Variants in TK1 observed in about 807,000 individuals in gnomAD.
TK1 encodes thymidine kinase 1.
In TK1, 13 loss-of-function variants were observed where a neutral mutation model predicts 22.4. The observed-to-expected ratio is 0.58, with a 90% CI of 0.38 to 0.92. The LOEUF (loss-of-function observed/expected upper bound fraction) is 0.92. Among genes scored for constraint, TK1 ranks in the 40% least tolerant of loss-of-function variants. The pLI is 0.00. For synonymous variants in TK1, 134 were observed against 125.4 expected (o/e 1.07, Z -0.46); for missense variants, 251 against 315.7 (o/e 0.80, Z 1.55).
At chr17:78,176,664 G>A (rs2075702220) in intron 4 of TK1, among the ~76,000 whole-genome samples, 3 of 152,108 alleles carry the variant, frequency 2.0e-5, no homozygotes, top group South Asian at 4.1e-4. Context: ...GACATGTCAC[G>A]AAAATGCAGC....
At chr17:78,177,527 C>G (rs190181629) in intron 4 of TK1, among the ~76,000 whole-genome samples, 50 of 152,288 alleles carry the variant, frequency 3.3e-4, no homozygotes, top group Admixed American at 2.9e-3. Context: ...TTAAGGAATA[C>G]TCAACCTGTA....
At position 78,185,147 on chromosome 17, in the gene TK1, G is replaced by A. The variant is rs148905023; in HGVS notation, c.117C>T (p.Arg39=). The change falls in exon 3 of 7, where the codon CGC becomes CGT. Residue 39 remains arginine, a synonymous_variant. Transcript: ENST00000301634. Reference sequence around the variant, plus strand: ...ACTGAGCAATCTGGAAGCGACGGACGCGTCTCATCAACTCTGTGCTGCAAG... The same window carrying A: ...ACTGAGCAATCTGGAAGCGACGGACACGTCTCATCAACTCTGTGCTGCAAG... ...FSGKSTELMR[R]VRRFQIAQYK... 5.0e-6 allele frequency: 8 copies of A among 1,612,338 alleles called. No homozygotes were observed. Among genetic ancestry groups the A allele is most frequent in the South Asian group, 2.2e-5 (2 of 90,966 alleles).
At chr17:78,179,977 G>A (rs888431130) in intron 4 of TK1, among the ~76,000 whole-genome samples, 3 of 152,170 alleles carry the variant, frequency 2.0e-5, no homozygotes, top group East Asian at 1.9e-4. Context: ...AGGCTGAGGC[G>A]GGAGAATCAC....
rs1370484769 is a variant in TK1 at position 78,186,968 on chromosome 17, C to T, written c.27G>A (p.Val9=). The change falls in exon 1 of 7, where the codon GTG becomes GTA. Residue 9 remains valine, a synonymous_variant. Transcript: ENST00000301634. MSCINLPT[V]LPGSPSKTRG... The stretch of plus-strand genomic sequence containing the variant: ...GGGTCTTGCTGGGGGAGCCAGGCAG[C>T]ACAGTGGGCAGGTTAATGCAGCTCA... 6.3e-7 allele frequency: 1 copy of T among 1,578,514 alleles called. No homozygotes were observed.
At chr17:78,184,534 C>T (rs73377443) in intron 3 of TK1, among the ~76,000 whole-genome samples, 7 of 151,332 alleles carry the variant, frequency 4.6e-5, no homozygotes, top group Non-Finnish European at 8.8e-5. Context: ...AACAGGGAAG[C>T]GTGAAGGCTG....
rs974534596 is a variant in TK1 at position 78,174,504 on chromosome 17, G to T, written c.*255C>A. The T allele has an allele frequency of 3.8e-6, 2 of 520,100 alleles. No homozygotes were observed. Among genetic ancestry groups the T allele is most frequent in the Non-Finnish European group, 6.8e-6 (2 of 293,566 alleles). The allele number at this position is 520,100 out of a possible 1,614,324, so 32.2% of individuals were successfully genotyped here. ...GGAGAGGGAGTGTGCCAGATCCCAG[G>T]CCACCAAGCGGGGCCAGCTCCAGCC... On this transcript the variant is annotated 3_prime_UTR_variant, in exon 7 of 7. Coordinates refer to ENST00000301634, the MANE Select transcript of TK1 (RefSeq NM_003258.5).
chr17:78,178,113 C>T (rs981066755), intron 4 of TK1, among the ~76,000 whole-genome samples: 1 of 152,104 alleles, frequency 6.6e-6, no homozygotes, highest in Non-Finnish European at 1.5e-5. Flanking sequence ...TCAAGTGATC[C>T]GCCCGCCTAG....
chr17:78,186,733 A>AG, intron 2 of TK1, 54 bp downstream of exon 2: 1 of 1,503,552 alleles, frequency 6.7e-7, no homozygotes. Context: ...GGACGGGACA[A>AG]GGGGTCCCCG....
intron 3 of TK1, among the ~76,000 whole-genome samples, chr17:78,184,405 A>G (rs1309587383): frequency 6.6e-6 from 1 of 152,248 alleles, no homozygotes; most frequent in Non-Finnish European, 1.5e-5. Flanking sequence ...CAGAGGACCA[A>G]GCAAAGCGTC....
At chr17:78,182,941 C>T (rs1567833943) in intron 3 of TK1, among the ~76,000 whole-genome samples, 1 of 152,188 alleles carries the variant, frequency 6.6e-6, no homozygotes, top group Non-Finnish European at 1.5e-5. Context: ...TCCCTGCAAT[C>T]TCTACCTCCC....
chr17:78,185,023 A>C, intron 3 of TK1, 32 bp downstream of exon 3: 1 of 1,562,248 alleles, frequency 6.4e-7, no homozygotes, highest in Non-Finnish European at 8.8e-7. Context: ...GTGATTTTCC[A>C]CTGGACAGGA....
At chr17:78,179,370 G>A (rs1395618926) in intron 4 of TK1, 26 of 985,302 alleles carry the variant, frequency 2.6e-5, no homozygotes, top group South Asian at 1.4e-4. Flanking sequence ...CAGCAACAAC[G>A]ACGTCTCCAC....
rs201904264 is a variant in TK1, at chr17:78,186,758, G to A, written c.98+29C>T. ...AGGGGTCCCCGGAGAAGAGGAAGGA[G>A]CTCCACCCCAGCCCCGCGAAGCCAT... On this transcript the variant is annotated intron_variant, in intron 2 of 6. Coordinates refer to ENST00000301634, the MANE Select transcript of TK1 (RefSeq NM_003258.5). The A allele has an allele frequency of 2.0e-4, 307 of 1,571,562 alleles. 1 individual carries two copies. The East Asian group carries it at 6.6e-3, about 34-fold the overall frequency.
At position 78,175,595 on chromosome 17, in the gene TK1, G is replaced by T; in HGVS notation, c.327C>A (p.Cys109Ter). ...TCTTCCCGGCGTTGGCCATGGCCTC[G>T]CAGAACTCCACGATGTCAGGGAACT... Reference protein sequence around the residue: ...GQFFPDIVEFCEAMANAGKTV... With the variant: ...GQFFPDIVEF The change falls in exon 5 of 7, where the codon TGC becomes TGA. Residue 109 changes from cysteine to a stop codon, truncating the protein, a stop_gained. Coordinates refer to ENST00000301634, the MANE Select transcript of TK1 (RefSeq NM_003258.5). LOFTEE classifies it high-confidence loss of function. The T allele has an allele frequency of 6.2e-7, 1 of 1,613,624 alleles. No homozygotes were observed. Among genetic ancestry groups the T allele is most frequent in the Non-Finnish European group, 8.5e-7 (1 of 1,179,840 alleles).
In TK1 at chr17:78,174,827, C is replaced by T. The variant is rs763713061; in HGVS notation, c.637G>A (p.Gly213Arg). 8 of 1,613,212 alleles carry T rather than the reference C, an allele frequency of 5.0e-6. No homozygotes were observed. In the Admixed American group the frequency reaches 1.3e-4, roughly 27 times the overall value. Reference protein sequence around the residue: ...KENCPVPGKPGEAVAARKLFA... With the variant: ...KENCPVPGKPREAVAARKLFA... ...AGCTTCCTGGCAGCCACGGCTTCCC[C>T]TGGCTTTCCTGGCACTGGGCAGTTC... is the stretch of plus-strand genomic sequence containing the variant. The change falls in exon 7 of 7, where the codon GGG (glycine) becomes AGG (arginine). Residue 213 changes from glycine to arginine, a missense_variant. Coordinates refer to ENST00000301634, the MANE Select transcript of TK1 (RefSeq NM_003258.5).
At chr17:78,175,225 C>CACGGGTGAAAG in intron 5 of TK1, 56 bp from the exon 6 acceptor site, 1 of 1,558,532 alleles carries the variant, frequency 6.4e-7, no homozygotes, top group Non-Finnish European at 8.6e-7. Flanking sequence ...GTGGGTTTTT[C>CACGGGTGAAAG]TTTTAAACCC....
chr17:78,182,929 G>C (rs1362414993), intron 3 of TK1, among the ~76,000 whole-genome samples: 1 of 152,092 alleles, frequency 6.6e-6, no homozygotes, highest in Admixed American at 6.5e-5. Flanking sequence ...CGCCATCTCG[G>C]CTCCCTGCAA....
chr17:78,178,726 C>A (rs979435425), intron 4 of TK1, among the ~76,000 whole-genome samples: 1 of 152,188 alleles, frequency 6.6e-6, no homozygotes, highest in Non-Finnish European at 1.5e-5. Flanking sequence ...CTCACTGCAA[C>A]CTTCGCCTAC....
At chr17:78,186,874 A>T in intron 1 of TK1, 55 bp downstream of exon 1, 4 of 1,567,386 alleles carry the variant, frequency 2.6e-6, no homozygotes, top group Non-Finnish European at 3.5e-6. Flanking sequence ...GCCTGGACAC[A>T]GGCTATCACC....
Sources: gnomAD v4.1 joint callset for allele counts (sites outside exome capture counted in the v4.1 genomes callset) on GRCh38, gnomAD v4.1.1 for gene constraint, MANE v1.5 for transcripts, NCBI Gene and HGNC (gene_info 2026-07-23, HGNC 2026-07-21) for gene names.